FAT3: variants seen among roughly 807,000 people sequenced by gnomAD.
FAT3 encodes FAT atypical cadherin 3, also known as protocadherin Fat 3.
A neutral mutation model predicts 310.2 loss-of-function variants in FAT3; 95 were observed. That is an observed-to-expected ratio of 0.31 (90% CI 0.26 to 0.36). The LOEUF (loss-of-function observed/expected upper bound fraction) is 0.36. Ranked by LOEUF, FAT3 falls within the 10% of genes least tolerant of loss-of-function variation. FAT3 has a pLI of 1.00. For synonymous variants in FAT3, 2,314 were observed against 2,192.9 expected (o/e 1.06, Z -1.54); for missense variants, 5,408 against 5,715.6 (o/e 0.95, Z 1.74).
intron 3 of FAT3, among the ~76,000 whole-genome samples, chr11:92,618,464 A>G (rs1221752439): frequency 6.6e-6 from 1 of 151,724 alleles, no homozygotes; most frequent in African/African-American, 2.4e-5. Flanking sequence ...TTCGGCTCAC[A>G]CTCTGTGGGC....
chr11:92,599,096 A>C (rs1939872507), intron 3 of FAT3, among the ~76,000 whole-genome samples: 1 of 152,184 alleles, frequency 6.6e-6, no homozygotes, highest in Non-Finnish European at 1.5e-5. Flanking sequence ...AGCCTCTCTA[A>C]TGAGTGTTAC....
At chr11:92,722,202 T>A (rs933942050) in intron 4 of FAT3, among the ~76,000 whole-genome samples, 5 of 152,012 alleles carry the variant, frequency 3.3e-5, no homozygotes, top group Non-Finnish European at 7.3e-5. Flanking sequence ...TTTCTAGATA[T>A]AATGGCAGTA....
intron 1 of FAT3, among the ~76,000 whole-genome samples, chr11:92,293,786 C>A (rs116801013): frequency 0.01 from 1,521 of 151,752 alleles, 23 homozygotes; most frequent in African/African-American, 0.035. Context: ...CACAGCTTTG[C>A]TTTCATAAGG....
intron 1 of FAT3, among the ~76,000 whole-genome samples, chr11:92,232,721 C>T (rs369799405): frequency 1.4e-5 from 2 of 138,826 alleles, no homozygotes; most frequent in Non-Finnish European, 3.0e-5. Context: ...ATGGAGTGGA[C>T]GCATGGTGTC....
intron 1 of FAT3, among the ~76,000 whole-genome samples, chr11:92,259,571 A>AT (rs1237180012): frequency 3.0e-5 from 4 of 131,578 alleles, no homozygotes; most frequent in East Asian, 2.3e-4. Flanking sequence ...ATAAAAATAA[A>AT]TAAAAAAAGG....
chr11:92,820,374 C>G (rs1365262836), intron 13 of FAT3, among the ~76,000 whole-genome samples: 1 of 152,126 alleles, frequency 6.6e-6, no homozygotes, highest in Non-Finnish European at 1.5e-5. Flanking sequence ...CACATTAGGA[C>G]CCCACCCTTA....
At chr11:92,885,705 A>G (rs1816206501) in intron 24 of FAT3, among the ~76,000 whole-genome samples, 1 of 152,186 alleles carries the variant, frequency 6.6e-6, no homozygotes, top group African/African-American at 2.4e-5. Flanking sequence ...TAATAAATGA[A>G]GGAGTGGAGA....
At chr11:92,574,475 A>G (rs1354524301) in intron 3 of FAT3, among the ~76,000 whole-genome samples, 2 of 152,102 alleles carry the variant, frequency 1.3e-5, no homozygotes, top group Non-Finnish European at 2.9e-5. Flanking sequence ...CTGGGGCTTA[A>G]CCTTGCAGGA....
chr11:92,885,275 C>T (rs939674683), intron 24 of FAT3, among the ~76,000 whole-genome samples: 1 of 152,150 alleles, frequency 6.6e-6, no homozygotes, highest in African/African-American at 2.4e-5. Flanking sequence ...ATCATAGTGC[C>T]CCCATGTTGG....
At chr11:92,416,069 C>T (rs1591258176) in intron 2 of FAT3, among the ~76,000 whole-genome samples, 1 of 107,516 alleles carries the variant, frequency 9.3e-6, no homozygotes, top group Non-Finnish European at 1.7e-5. Context: ...CTCCTGGAAG[C>T]CTAAAAAAAA....
chr11:92,748,218 G>A (rs1009533456), intron 4 of FAT3, among the ~76,000 whole-genome samples: 6 of 152,130 alleles, frequency 3.9e-5, no homozygotes, highest in Non-Finnish European at 8.8e-5. Flanking sequence ...TTCCATGGCA[G>A]CAGGCTAGAG....
chr11:92,301,791 C>T (rs1947005093), intron 1 of FAT3, among the ~76,000 whole-genome samples: 1 of 151,986 alleles, frequency 6.6e-6, no homozygotes, highest in South Asian at 2.1e-4. Context: ...TTGTGTGCCT[C>T]ATAGTGGGTC....
intron 10 of FAT3, among the ~76,000 whole-genome samples, chr11:92,803,503 A>G (rs558292720): frequency 2.4e-4 from 37 of 152,374 alleles, no homozygotes; most frequent in African/African-American, 8.7e-4. Context: ...CAACTAAAGC[A>G]TAATTGAATC....
chr11:92,437,870 G>T (rs1950976507), intron 2 of FAT3, among the ~76,000 whole-genome samples: 1 of 152,126 alleles, frequency 6.6e-6, no homozygotes, highest in South Asian at 2.1e-4. Context: ...CAGCATGGGG[G>T]TCACTGATGG....
chr11:92,506,510 C>A (rs1030807181), intron 2 of FAT3, among the ~76,000 whole-genome samples: 2 of 152,152 alleles, frequency 1.3e-5, no homozygotes, highest in African/African-American at 4.8e-5. Context: ...GCATCAGAAT[C>A]CTTCATTTGA....
chr11:92,800,937 G>A lies in FAT3; in HGVS notation c.7924G>A (p.Glu2642Lys), dbSNP rs775191603. The A allele has an allele frequency of 1.4e-5, 23 of 1,612,590 alleles. No homozygotes were observed. Among genetic ancestry groups the A allele is most frequent in the South Asian group, 3.3e-5 (3 of 90,740 alleles). Residue 2642 changes from glutamate (E) to lysine (K), a missense_variant, in exon 10 of 28, where the codon GAG becomes AAG. Coordinates refer to ENST00000525166, the MANE Select transcript of FAT3 (RefSeq NM_001367949.2). Reference protein sequence around the residue: ...NSRITYSLYSEASVSVADLLE... With the variant: ...NSRITYSLYSKASVSVADLLE... ...AAGGATTACTTATTCCCTCTATAGCGAGGCCTCTGTTTCAGTGGCCGACCT... is the reference window on the plus strand; with the variant it reads ...AAGGATTACTTATTCCCTCTATAGCAAGGCCTCTGTTTCAGTGGCCGACCT...
At chr11:92,563,106 C>T (rs1310993634) in intron 3 of FAT3, among the ~76,000 whole-genome samples, 1 of 152,148 alleles carries the variant, frequency 6.6e-6, no homozygotes, top group Non-Finnish European at 1.5e-5. Flanking sequence ...GTGGCTTCTG[C>T]CTGTTATTTC....
chr11:92,620,440 A>G (rs1201693623), intron 3 of FAT3, among the ~76,000 whole-genome samples: 1 of 152,226 alleles, frequency 6.6e-6, no homozygotes, highest in African/African-American at 2.4e-5. Context: ...TGGCACATGT[A>G]CTTTCATGTA....
At chr11:92,320,876 A>G (rs1204517283) in intron 1 of FAT3, among the ~76,000 whole-genome samples, 1 of 133,812 alleles carries the variant, frequency 7.5e-6, no homozygotes, top group African/African-American at 3.5e-5. Flanking sequence ...TCTCAAAAAA[A>G]AAAAGGGGGG....
Sources: gnomAD v4.1 joint callset for allele counts (sites outside exome capture counted in the v4.1 genomes callset) on GRCh38, gnomAD v4.1.1 for gene constraint, MANE v1.5 for transcripts, NCBI Gene and HGNC (gene_info 2026-07-23, HGNC 2026-07-21) for gene names.